CCSER1: variants seen among roughly 807,000 people sequenced by gnomAD.
The protein encoded by CCSER1 is serine-rich coiled-coil domain-containing protein 1.
Under a neutral mutation model 82.0 loss-of-function variants are expected in CCSER1, and 41 were observed. The observed-to-expected ratio is 0.50, with a 90% CI of 0.39 to 0.65. The LOEUF (loss-of-function observed/expected upper bound fraction) is 0.65, where lower values mean the gene tolerates loss of function less well. CCSER1 is among the 30% of genes least tolerant of loss of function. The pLI is 0.00. For synonymous variants in CCSER1, 414 were observed against 383.9 expected (o/e 1.08, Z -0.92); for missense variants, 1,119 against 1,064.2 (o/e 1.05, Z -0.72).
At chr4:90,543,821 A>G (rs1776402607) in intron 5 of CCSER1, among the ~76,000 whole-genome samples, 1 of 152,170 alleles carries the variant, frequency 6.6e-6, no homozygotes, top group Non-Finnish European at 1.5e-5. Context: ...TTTCTAATTA[A>G]TAAATATTTT....
At chr4:91,154,515 G>A (rs1240977903) in intron 10 of CCSER1, among the ~76,000 whole-genome samples, 2 of 151,876 alleles carry the variant, frequency 1.3e-5, no homozygotes, top group Non-Finnish European at 2.9e-5. Context: ...TGGTCCTTGG[G>A]TTGCACCCAC....
chr4:90,814,560 T>C (rs992099106), intron 7 of CCSER1, among the ~76,000 whole-genome samples: 6 of 152,192 alleles, frequency 3.9e-5, no homozygotes, highest in Non-Finnish European at 5.9e-5. Context: ...TTTCCAATAA[T>C]TTGTTTTTGA....
intron 3 of CCSER1, among the ~76,000 whole-genome samples, chr4:90,338,638 G>A (rs887099962): frequency 1.3e-5 from 2 of 152,116 alleles, no homozygotes; most frequent in African/African-American, 4.8e-5. Context: ...TGAATTGACT[G>A]CTTTCTAGCT....
At chr4:91,570,264 C>T (rs1249370035) in intron 10 of CCSER1, among the ~76,000 whole-genome samples, 1 of 152,058 alleles carries the variant, frequency 6.6e-6, no homozygotes, top group Non-Finnish European at 1.5e-5. Flanking sequence ...TCCAGGTACA[C>T]AGTGGAAGCT....
chr4:90,939,928 CTCTT>C (rs1731395085), intron 9 of CCSER1, among the ~76,000 whole-genome samples: 1 of 151,968 alleles, frequency 6.6e-6, no homozygotes, highest in African/African-American at 2.4e-5. Flanking sequence ...CTATTCTTAT[CTCTT>C]TCTTTTTATT....
At chr4:90,532,556 C>G (rs1470279912) in intron 5 of CCSER1, among the ~76,000 whole-genome samples, 2 of 152,086 alleles carry the variant, frequency 1.3e-5, no homozygotes, top group African/African-American at 4.8e-5. Flanking sequence ...TAGTAATTAT[C>G]TCAGGCTTTG....
chr4:90,399,823 A>G (rs950396626), intron 3 of CCSER1, among the ~76,000 whole-genome samples: 1 of 152,148 alleles, frequency 6.6e-6, no homozygotes, highest in African/African-American at 2.4e-5. Flanking sequence ...TGTGCAGATA[A>G]TTGGAAAAGT....
intron 10 of CCSER1, among the ~76,000 whole-genome samples, chr4:91,213,756 T>C (rs765224489): frequency 5.3e-5 from 8 of 152,126 alleles, no homozygotes; most frequent in Non-Finnish European, 7.4e-5. Context: ...TTTAATAAAG[T>C]CAAGAAACTC....
intron 5 of CCSER1, among the ~76,000 whole-genome samples, chr4:90,567,665 G>A (rs1254171751): frequency 1.3e-5 from 2 of 148,628 alleles, no homozygotes; most frequent in African/African-American, 5.0e-5. Context: ...TAGGGCAGTG[G>A]TATGATCACA....
intron 9 of CCSER1, among the ~76,000 whole-genome samples, chr4:91,071,705 T>G (rs1442745925): frequency 6.6e-6 from 1 of 152,170 alleles, no homozygotes; most frequent in Non-Finnish European, 1.5e-5. Context: ...CTAGATAGAT[T>G]GATTCAATAA....
At chr4:91,017,856 A>G (rs1739575256) in intron 9 of CCSER1, among the ~76,000 whole-genome samples, 1 of 150,798 alleles carries the variant, frequency 6.6e-6, no homozygotes, top group Admixed American at 6.6e-5. Flanking sequence ...AATTTTTTTA[A>G]GAGTCTCACT....
chr4:90,784,569 A>G lies in CCSER1; in HGVS notation c.2011-31193A>G, dbSNP rs115572197. Among the ~76,000 whole-genome samples the G allele has an allele frequency of 9.6e-3, 1,464 of 152,300 alleles. 30 individuals carry two copies. The highest frequency in any genetic ancestry group is 0.034 in the African/African-American group (1,394 of 41,570). ...CTTTGAAATGCTTCCCAGATGATTT[A>G]GAAAAAATTTACTTCCACACCCTAC... On this transcript the variant is annotated intron_variant, in intron 7 of 10. Transcript: ENST00000509176.
intron 10 of CCSER1, among the ~76,000 whole-genome samples, chr4:91,169,815 G>A (rs1029165582): frequency 6.6e-6 from 1 of 151,556 alleles, no homozygotes; most frequent in African/African-American, 2.4e-5. Context: ...GTTCATAGTT[G>A]GTCCTGTGGC....
chr4:90,193,932 G>A (rs538671519), intron 1 of CCSER1, among the ~76,000 whole-genome samples: 3 of 152,106 alleles, frequency 2.0e-5, no homozygotes, highest in South Asian at 2.1e-4. Flanking sequence ...CATATTTGGT[G>A]GGCAAGATGG....
rs189327103 is a variant in CCSER1 at position 90,570,980 on chromosome 4, A to G, written c.1725-57045A>G. ...TACAAGCAGCTAACAAACATATGAAAAAATGCTCAACATCACTAATCAGAG... is the reference window on the plus strand; with the variant it reads ...TACAAGCAGCTAACAAACATATGAAGAAATGCTCAACATCACTAATCAGAG... On this transcript the variant is annotated intron_variant, in intron 5 of 10. Transcript: ENST00000509176. Among the ~76,000 whole-genome samples, 99 of 152,328 alleles carry G rather than the reference A, an allele frequency of 6.5e-4. No homozygotes were observed. The Middle Eastern group carries it at 0.014, about 21-fold the overall frequency.
intron 3 of CCSER1, among the ~76,000 whole-genome samples, chr4:90,367,823 A>C (rs762218940): frequency 1.8e-4 from 27 of 151,934 alleles, no homozygotes; most frequent in Admixed American, 1.4e-3. Context: ...AGATGGACAG[A>C]GTTTTCCAAA....
intron 9 of CCSER1, among the ~76,000 whole-genome samples, chr4:90,954,938 C>A (rs1332407810): frequency 6.6e-6 from 1 of 152,146 alleles, no homozygotes; most frequent in East Asian, 1.9e-4. Flanking sequence ...GGGCTCTGAT[C>A]TTTCTGCCTG....
At chr4:91,380,642 C>T (rs570089514) in intron 10 of CCSER1, among the ~76,000 whole-genome samples, 1 of 152,244 alleles carries the variant, frequency 6.6e-6, no homozygotes, top group Middle Eastern at 3.4e-3. Context: ...TTGTGTGTCT[C>T]TGCATGTGAG....
intron 9 of CCSER1, among the ~76,000 whole-genome samples, chr4:91,075,952 T>G (rs1407788552): frequency 3.3e-5 from 5 of 152,108 alleles, no homozygotes; most frequent in Non-Finnish European, 7.4e-5. Flanking sequence ...TCCCTAACAG[T>G]TTTCCACATT....
Sources: allele counts gnomAD v4.1 joint callset (sites outside exome capture counted in the v4.1 genomes callset), GRCh38; gene constraint gnomAD v4.1.1; transcripts MANE v1.5; gene names NCBI Gene and HGNC (gene_info 2026-07-23, HGNC 2026-07-21).